ST6GAL1: variants seen among roughly 807,000 people sequenced by gnomAD.
The protein encoded by ST6GAL1 is beta-galactoside alpha-2,6-sialyltransferase 1.
A neutral mutation model predicts 38.0 loss-of-function variants in ST6GAL1; 20 were observed. The observed-to-expected ratio is 0.53, with a 90% CI of 0.37 to 0.77. ST6GAL1 has a LOEUF of 0.77. Among genes scored for constraint, ST6GAL1 ranks in the 30% least tolerant of loss-of-function variants. The pLI, the probability that ST6GAL1 is intolerant of heterozygous loss-of-function variation, is 0.00. For missense variants in ST6GAL1, 432 were observed against 496.4 expected, an observed-to-expected ratio of 0.87 and a Z score of 1.23; for synonymous variants, 196 against 188.2, an observed-to-expected ratio of 1.04 and a Z score of -0.34.
chr3:186,947,262 G>A (rs1304044277), intron 1 of ST6GAL1, among the ~76,000 whole-genome samples: 2 of 152,176 alleles, frequency 1.3e-5, no homozygotes, highest in African/African-American at 4.8e-5. Context: ...CTGAAGTTAA[G>A]GGTGAGAGAT....
intron 1 of ST6GAL1, among the ~76,000 whole-genome samples, chr3:186,945,368 G>A (rs1201869098): frequency 6.6e-6 from 1 of 151,396 alleles, no homozygotes; most frequent in African/African-American, 2.4e-5. Flanking sequence ...TGGGACTGAA[G>A]AATTTTACAC....
intron 6 of ST6GAL1, 45 bp from the exon 7 acceptor site, chr3:187,074,114 A>C: frequency 6.5e-7 from 1 of 1,536,168 alleles, no homozygotes; most frequent in Admixed American, 1.9e-5. Flanking sequence ...GGAGCAGCTC[A>C]CTGGCCCATT....
At chr3:186,950,806 TG>T (rs1326267306) in intron 1 of ST6GAL1, among the ~76,000 whole-genome samples, 1 of 152,262 alleles carries the variant, frequency 6.6e-6, no homozygotes, top group Non-Finnish European at 1.5e-5. Flanking sequence ...TGATATGATA[TG>T]ATTGGGTGAA....
intron 2 of ST6GAL1, chr3:186,964,300 C>T (rs563223690): frequency 3.3e-5 from 5 of 152,302 alleles, no homozygotes; most frequent in South Asian, 2.1e-4. Context: ...CACACACACG[C>T]GCGTGCCACG....
At chr3:187,067,977 C>T (rs938684113) in intron 5 of ST6GAL1, among the ~76,000 whole-genome samples, 3 of 152,312 alleles carry the variant, frequency 2.0e-5, no homozygotes, top group South Asian at 2.1e-4. Flanking sequence ...TGTTCTCTGA[C>T]GTCCTTCCCC....
At chr3:187,067,556 T>C (rs1402866698) in intron 5 of ST6GAL1, among the ~76,000 whole-genome samples, 2 of 152,114 alleles carry the variant, frequency 1.3e-5, no homozygotes, top group Non-Finnish European at 2.9e-5. Context: ...TTTCTGTTTC[T>C]CTTCTCTGGA....
intron 4 of ST6GAL1, among the ~76,000 whole-genome samples, chr3:187,044,454 G>A (rs1298235459): frequency 7.9e-5 from 12 of 152,186 alleles, no homozygotes; most frequent in Non-Finnish European, 1.3e-4. Context: ...GAAATGGTGA[G>A]ATCACAGTTT....
intron 5 of ST6GAL1, among the ~76,000 whole-genome samples, chr3:187,054,832 TC>T (rs1193633118): frequency 6.6e-6 from 1 of 152,060 alleles, no homozygotes; most frequent in Non-Finnish European, 1.5e-5. Flanking sequence ...TAGGGAGGAT[TC>T]CCTCTTTTTG....
chr3:187,050,709 A>C (rs1218416253), intron 4 of ST6GAL1, among the ~76,000 whole-genome samples: 1 of 152,078 alleles, frequency 6.6e-6, no homozygotes, highest in Admixed American at 6.5e-5. Context: ...CCTGGGCCTC[A>C]GGTTCCTAAA....
chr3:186,984,740 T>TTCCCTTCCTCCCTTCCTTCCTTTCTTCTC (rs1553821484), intron 2 of ST6GAL1, among the ~76,000 whole-genome samples: 1 of 63,878 alleles, frequency 1.6e-5, no homozygotes, highest in South Asian at 9.5e-4. Context: ...CCTTCCTTCC[T>TTCCCTTCCTCCCTTCCTTCCTTTCTTCTC]TCCCTCCCTC....
intron 5 of ST6GAL1, among the ~76,000 whole-genome samples, chr3:187,066,602 G>GTGTT (rs1491490301): frequency 3.8e-5 from 1 of 26,400 alleles, no homozygotes; most frequent in Non-Finnish European, 9.1e-5. Flanking sequence ...GCGTGCGTGC[G>GTGTT]TGTGTGTGTG....
chr3:187,048,237 C>T (rs147447730), intron 4 of ST6GAL1, among the ~76,000 whole-genome samples: 127 of 152,332 alleles, frequency 8.3e-4, no homozygotes, highest in African/African-American at 2.8e-3. Context: ...GCCACCGTGC[C>T]CAGCCTGATT....
chr3:187,053,248 T>G (rs1718575747), intron 5 of ST6GAL1, among the ~76,000 whole-genome samples: 1 of 152,260 alleles, frequency 6.6e-6, no homozygotes, highest in Non-Finnish European at 1.5e-5. Flanking sequence ...TTCTTTAGGT[T>G]GGCTGTTCAC....
intron 2 of ST6GAL1, among the ~76,000 whole-genome samples, chr3:186,988,714 G>A (rs1716044289): frequency 1.3e-5 from 2 of 152,128 alleles, no homozygotes; most frequent in African/African-American, 4.8e-5. Context: ...AGAAGTTCGA[G>A]ACCAGCCTGG....
chr3:187,014,292 T>A (rs1444722460), intron 2 of ST6GAL1, among the ~76,000 whole-genome samples: 1 of 152,224 alleles, frequency 6.6e-6, no homozygotes, highest in Admixed American at 6.5e-5. Context: ...TTGGTGCAAA[T>A]GAAATTCAGC....
Position 187,048,880 on chromosome 3 carries a change from A to ATTTTTTTTTTTTTTTT in ST6GAL1, c.608-2356_608-2341dup, listed in dbSNP as rs374148828. On this transcript the variant is annotated intron_variant, in intron 4 of 7. Coordinates refer to ENST00000169298, the MANE Select transcript of ST6GAL1 (RefSeq NM_173216.2). Reference sequence around the variant, plus strand: ...TCTGGCTCTGTCCCTGAGAAATTGAATTTTTTTTTTTTTTTTTTTTTTTTT... The same window carrying ATTTTTTTTTTTTTTTT: ...TCTGGCTCTGTCCCTGAGAAATTGAATTTTTTTTTTTTTTTTTTTTTTTTTTTTTTTTTTTTTTTTT... Among the ~76,000 whole-genome samples the ATTTTTTTTTTTTTTTT allele has an allele frequency of 3.6e-4, 42 of 115,442 alleles. 2 individuals are homozygous for ATTTTTTTTTTTTTTTT. The highest frequency in any genetic ancestry group is 1.5e-3 in the African/African-American group (41 of 26,568). The allele number at this position is 115,442 out of a possible 152,430, so 75.7% of individuals were successfully genotyped here.
chr3:187,037,955 G>A (rs4686841), intron 2 of ST6GAL1, among the ~76,000 whole-genome samples: 68,183 of 151,286 alleles, frequency 0.45, 16,514 homozygotes, highest in African/African-American at 0.62. Flanking sequence ...TTTGGATAGT[G>A]TTTACCGTTT....
intron 5 of ST6GAL1, among the ~76,000 whole-genome samples, chr3:187,061,324 A>G (rs1397466203): frequency 6.6e-6 from 1 of 152,212 alleles, no homozygotes; most frequent in Non-Finnish European, 1.5e-5. Context: ...ATTTAATGCA[A>G]TCGTTGTGAA....
At chr3:187,023,531 T>C (rs1206990366) in intron 2 of ST6GAL1, among the ~76,000 whole-genome samples, 1 of 152,186 alleles carries the variant, frequency 6.6e-6, no homozygotes, top group Non-Finnish European at 1.5e-5. Flanking sequence ...TGTGCACATA[T>C]ACACCATGGA....
Sources: gnomAD v4.1 joint callset for allele counts (sites outside exome capture counted in the v4.1 genomes callset) on GRCh38, gnomAD v4.1.1 for gene constraint, MANE v1.5 for transcripts, NCBI Gene and HGNC (gene_info 2026-07-23, HGNC 2026-07-21) for gene names.